FBXL7: variants seen among roughly 807,000 people sequenced by gnomAD.
The protein encoded by FBXL7 is F-box/LRR-repeat protein 7.
Under a neutral mutation model 38.3 loss-of-function variants are expected in FBXL7, and 12 were observed. That is an observed-to-expected ratio of 0.31 (90% CI 0.20 to 0.51). The LOEUF is 0.51. FBXL7 is among the 20% of genes least tolerant of loss of function. FBXL7 has a pLI of 0.98. For missense variants in FBXL7, 567 were observed against 676.4 expected (o/e 0.84, Z 1.79); for synonymous variants, 297 against 300.9 (o/e 0.99, Z 0.13).
intron 2 of FBXL7, among the ~76,000 whole-genome samples, chr5:15,879,097 A>G (rs1326341788): frequency 6.6e-6 from 1 of 152,196 alleles, no homozygotes; most frequent in Non-Finnish European, 1.5e-5. Context: ...TTCTGTCTTG[A>G]TGATGAAAGC....
chr5:15,705,928 A>G (rs977103557), intron 2 of FBXL7, among the ~76,000 whole-genome samples: 7 of 152,192 alleles, frequency 4.6e-5, no homozygotes, highest in African/African-American at 1.7e-4. Context: ...ATAAAGAATA[A>G]TAGTATTATA....
At chr5:15,511,253 A>G (rs892047526) in intron 1 of FBXL7, among the ~76,000 whole-genome samples, 13 of 152,370 alleles carry the variant, frequency 8.5e-5, no homozygotes, top group South Asian at 8.3e-4. Flanking sequence ...TTGGCAGGTT[A>G]TCCAGTGTCT....
intron 2 of FBXL7, among the ~76,000 whole-genome samples, chr5:15,757,090 C>T (rs770438416): frequency 4.6e-5 from 7 of 152,032 alleles, no homozygotes; most frequent in Non-Finnish European, 1.0e-4. Flanking sequence ...TTCTGTGAAC[C>T]TCAAAAAGTA....
At chr5:15,513,234 G>A (rs1736848017) in intron 1 of FBXL7, among the ~76,000 whole-genome samples, 1 of 151,760 alleles carries the variant, frequency 6.6e-6, no homozygotes, top group South Asian at 2.1e-4. Flanking sequence ...CCCTTTCCTA[G>A]AAATTGAGCA....
chr5:15,748,971 A>G (rs1736083982), intron 2 of FBXL7, among the ~76,000 whole-genome samples: 1 of 152,160 alleles, frequency 6.6e-6, no homozygotes, highest in East Asian at 1.9e-4. Context: ...TTAGCCTCGC[A>G]CGGTGGCTTA....
At chr5:15,720,451 C>T (rs1410395723) in intron 2 of FBXL7, among the ~76,000 whole-genome samples, 4 of 148,450 alleles carry the variant, frequency 2.7e-5, no homozygotes, top group Non-Finnish European at 6.0e-5. Flanking sequence ...TCATATAAAA[C>T]CATATTGTGC....
At chr5:15,748,532 C>G (rs780792308) in intron 2 of FBXL7, among the ~76,000 whole-genome samples, 20 of 152,208 alleles carry the variant, frequency 1.3e-4, no homozygotes, top group Admixed American at 2.6e-4. Context: ...TAAGCCCTCT[C>G]TTGCCTGACA....
intron 2 of FBXL7, among the ~76,000 whole-genome samples, chr5:15,757,424 AC>A (rs1187837532): frequency 1.3e-5 from 2 of 152,104 alleles, no homozygotes; most frequent in Non-Finnish European, 2.9e-5. Context: ...AGGCTCTCGA[AC>A]TTCAGATACT....
chr5:15,835,120 G>T (rs538577194), intron 2 of FBXL7, among the ~76,000 whole-genome samples: 1 of 152,258 alleles, frequency 6.6e-6, no homozygotes, highest in South Asian at 2.1e-4. Flanking sequence ...TAAATAGTGG[G>T]TGATTTGTGA....
At chr5:15,518,775 C>A (rs1171160931) in intron 1 of FBXL7, among the ~76,000 whole-genome samples, 1 of 152,276 alleles carries the variant, frequency 6.6e-6, no homozygotes, top group East Asian at 1.9e-4. Flanking sequence ...CTCCTTGAGA[C>A]ATCCCACCCA....
chr5:15,608,245 C>T (rs552336423), intron 1 of FBXL7, among the ~76,000 whole-genome samples: 1 of 152,178 alleles, frequency 6.6e-6, no homozygotes, highest in East Asian at 1.9e-4. Flanking sequence ...CATGCTTTAC[C>T]TGCCAGGGTT....
chr5:15,779,012 A>G (rs1389838913), intron 2 of FBXL7, among the ~76,000 whole-genome samples: 1 of 152,164 alleles, frequency 6.6e-6, no homozygotes, highest in Middle Eastern at 3.2e-3. Flanking sequence ...TAGCTAGTGA[A>G]TAAAAACCTT....
intron 2 of FBXL7, among the ~76,000 whole-genome samples, chr5:15,699,498 G>A (rs920833945): frequency 2.0e-5 from 3 of 152,162 alleles, no homozygotes; most frequent in African/African-American, 7.2e-5. Context: ...TTGGATTAAA[G>A]GCCCACCCTA....
At chr5:15,605,033 C>T (rs1166325062) in intron 1 of FBXL7, among the ~76,000 whole-genome samples, 1 of 152,134 alleles carries the variant, frequency 6.6e-6, no homozygotes, top group Non-Finnish European at 1.5e-5. Context: ...TAGCACTGGC[C>T]GTACAGCCCT....
intron 2 of FBXL7, among the ~76,000 whole-genome samples, chr5:15,837,099 C>T (rs1336582075): frequency 6.6e-6 from 1 of 152,144 alleles, no homozygotes; most frequent in Non-Finnish European, 1.5e-5. Context: ...ACAGCAAGAT[C>T]CCTAATACTT....
chr5:15,766,043 T>TCTACCTACCTAC lies in FBXL7; in HGVS notation c.127+149991_127+150002dup, dbSNP rs140480289. The stretch of plus-strand genomic sequence containing the variant: ...GTCTGTCTGTCTGTCTGTCTGTCTA[T>TCTACCTACCTAC]CTACCTACCTACCTACCTACCTACC... On this transcript the variant is annotated intron_variant, in intron 2 of 3. Coordinates refer to ENST00000504595, the MANE Select transcript of FBXL7 (RefSeq NM_012304.5). Among the ~76,000 whole-genome samples the TCTACCTACCTAC allele has an allele frequency of 6.7e-3, 980 of 147,256 alleles. 6 individuals are homozygous for TCTACCTACCTAC. Among genetic ancestry groups the TCTACCTACCTAC allele is most frequent in the Middle Eastern group, 0.028 (8 of 286 alleles).
intron 2 of FBXL7, among the ~76,000 whole-genome samples, chr5:15,641,159 T>C (rs1192261468): frequency 6.6e-6 from 1 of 152,210 alleles, no homozygotes; most frequent in Non-Finnish European, 1.5e-5. Context: ...TATCTGTTTC[T>C]TTAGGTTCCT....
chr5:15,760,067 G>A (rs538952635), intron 2 of FBXL7, among the ~76,000 whole-genome samples: 1 of 151,422 alleles, frequency 6.6e-6, no homozygotes, highest in African/African-American at 2.4e-5. Flanking sequence ...TCAATTATTT[G>A]CTTTAATCCT....
chr5:15,772,298 G>A (rs1736749834), intron 2 of FBXL7, among the ~76,000 whole-genome samples: 1 of 152,154 alleles, frequency 6.6e-6, no homozygotes, highest in African/African-American at 2.4e-5. Flanking sequence ...CATCCCTCAT[G>A]TTCCTGGAAA....
Sources: gnomAD v4.1 joint callset for allele counts (sites outside exome capture counted in the v4.1 genomes callset) on GRCh38, gnomAD v4.1.1 for gene constraint, MANE v1.5 for transcripts, NCBI Gene and HGNC (gene_info 2026-07-23, HGNC 2026-07-21) for gene names.